DCC: variants seen among roughly 807,000 people sequenced by gnomAD.
DCC encodes the protein netrin receptor DCC.
In DCC, 58 loss-of-function variants were observed where a neutral mutation model predicts 172.5. The ratio of observed to expected loss-of-function variants is 0.34; its 90% CI spans 0.27 to 0.42. The LOEUF (loss-of-function observed/expected upper bound fraction) is 0.42, where lower values mean the gene tolerates loss of function less well. Among genes scored for constraint, DCC ranks in the 10% least tolerant of loss-of-function variants. The pLI is 1.00. For synonymous variants in DCC, 709 were observed against 644.5 expected (o/e 1.10, Z -1.52); for missense variants, 1,740 against 1,791.0 (o/e 0.97, Z 0.51).
chr18:52,358,984 A>T (rs1004135666), intron 1 of DCC, among the ~76,000 whole-genome samples: 1 of 152,178 alleles, frequency 6.6e-6, no homozygotes, highest in East Asian at 1.9e-4. Context: ...CTTCCAATTT[A>T]TAAAATCCTC....
intron 1 of DCC, among the ~76,000 whole-genome samples, chr18:52,646,755 C>A (rs760356126): frequency 9.2e-5 from 14 of 152,178 alleles, no homozygotes; most frequent in Non-Finnish European, 2.1e-4. Context: ...AGGGGTGCAC[C>A]AGCCTCCAGT....
chr18:53,450,423 G>T lies in DCC; in HGVS notation c.3230-77G>T, dbSNP rs181384686. Reference sequence around the variant, plus strand: ...AAAAGCCCAGAACATTAGGAACTTTGTATATCCCAAGAGAGCTTGGTAAAA... The same window carrying T: ...AAAAGCCCAGAACATTAGGAACTTTTTATATCCCAAGAGAGCTTGGTAAAA... On this transcript the variant is annotated intron_variant, in intron 22 of 28. Coordinates refer to ENST00000442544, the MANE Select transcript of DCC (RefSeq NM_005215.4). 4.6e-3 allele frequency: 7,088 copies of T among 1,532,730 alleles called. 82 individuals are homozygous for T. Among genetic ancestry groups the T allele is most frequent in the Admixed American group, 0.031 (1,868 of 59,670 alleles). The allele number at this position is 1,532,730 out of a possible 1,614,324, so 94.9% of individuals were successfully genotyped here. A position where few individuals can be genotyped will look rare whatever the true frequency, so the allele number is the denominator to read the frequency against.
chr18:52,810,501 A>G (rs76834848), intron 2 of DCC, among the ~76,000 whole-genome samples: 1 of 152,194 alleles, frequency 6.6e-6, no homozygotes, highest in African/African-American at 2.4e-5. Flanking sequence ...GAGGGCAAAG[A>G]AGAATTTTAG....
chr18:52,715,630 C>T (rs575201814), intron 1 of DCC, among the ~76,000 whole-genome samples: 2 of 152,046 alleles, frequency 1.3e-5, no homozygotes, highest in Non-Finnish European at 2.9e-5. Flanking sequence ...CTGAGGCTGA[C>T]TTCCGAGGGC....
chr18:52,590,669 G>A (rs2033779325), intron 1 of DCC, among the ~76,000 whole-genome samples: 1 of 152,166 alleles, frequency 6.6e-6, no homozygotes, highest in African/African-American at 2.4e-5. Flanking sequence ...CCGTCAGAAT[G>A]GATGTTGTCA....
intron 7 of DCC, among the ~76,000 whole-genome samples, chr18:53,109,681 AT>A (rs892715239): frequency 1.3e-5 from 2 of 150,620 alleles, no homozygotes; most frequent in African/African-American, 4.9e-5. Flanking sequence ...TGCTGGGAAG[AT>A]TTGGTAATGA....
chr18:52,976,469 G>A (rs72928142), intron 5 of DCC, among the ~76,000 whole-genome samples: 5,358 of 151,952 alleles, frequency 0.035, 125 homozygotes, highest in African/African-American at 0.054. Flanking sequence ...GACCCCACTC[G>A]TTATCCTTCA....
At chr18:52,465,389 A>G (rs1002317179) in intron 1 of DCC, among the ~76,000 whole-genome samples, 2 of 152,146 alleles carry the variant, frequency 1.3e-5, no homozygotes, top group African/African-American at 4.8e-5. Context: ...TCTCTTGGGT[A>G]AATTTCCCCT....
chr18:53,116,317 C>G (rs746810651), intron 7 of DCC, among the ~76,000 whole-genome samples: 5 of 151,644 alleles, frequency 3.3e-5, no homozygotes, highest in African/African-American at 9.7e-5. Flanking sequence ...TTAAATACCC[C>G]CTAGAGGATT....
chr18:53,146,742 G>A lies in DCC; in HGVS notation c.1262-10614G>A, dbSNP rs146080466. ...GTGAACATAGGAATACCTGCCAAGC[G>A]TATGCTTTGCCTCAGCTACAATAGC... On this transcript the variant is annotated intron_variant, in intron 7 of 28. Coordinates refer to ENST00000442544, the MANE Select transcript of DCC (RefSeq NM_005215.4). Among the ~76,000 whole-genome samples, 385 of 152,250 alleles carry A rather than the reference G, an allele frequency of 2.5e-3. 4 individuals carry two copies. Among genetic ancestry groups the A allele is most frequent in the African/African-American group, 8.8e-3 (364 of 41,546 alleles).
At chr18:52,567,631 A>G (rs531900672) in intron 1 of DCC, among the ~76,000 whole-genome samples, 2 of 152,270 alleles carry the variant, frequency 1.3e-5, no homozygotes, top group African/African-American at 4.8e-5. Flanking sequence ...GTCAACACAG[A>G]GTATGGAATG....
At chr18:52,536,810 A>G (rs530126386) in intron 1 of DCC, among the ~76,000 whole-genome samples, 1 of 152,298 alleles carries the variant, frequency 6.6e-6, no homozygotes, top group South Asian at 2.1e-4. Context: ...TTTATGCAAG[A>G]AGCTTAATTC....
chr18:52,610,041 C>T (rs867342677), intron 1 of DCC, among the ~76,000 whole-genome samples: 19 of 147,198 alleles, frequency 1.3e-4, no homozygotes, highest in Middle Eastern at 3.6e-3. Context: ...AGACTGGGCG[C>T]GGTGGCTTAC....
intron 1 of DCC, among the ~76,000 whole-genome samples, chr18:52,376,274 C>T (rs1985342336): frequency 6.6e-6 from 1 of 152,098 alleles, no homozygotes; most frequent in South Asian, 2.1e-4. Context: ...TTAAGAGGTG[C>T]AGAAAATAGC....
chr18:53,003,177 C>G (rs537958930), intron 5 of DCC, among the ~76,000 whole-genome samples: 2 of 152,184 alleles, frequency 1.3e-5, no homozygotes, highest in East Asian at 3.9e-4. Context: ...TCTCTTCTTC[C>G]ATTTCCTCAG....
intron 1 of DCC, among the ~76,000 whole-genome samples, chr18:52,693,503 T>C (rs986856004): frequency 2.0e-5 from 3 of 149,700 alleles, no homozygotes; most frequent in Non-Finnish European, 4.4e-5. Context: ...CATAATACAA[T>C]ACAATATAAC....
At chr18:52,566,714 C>T (rs576350739) in intron 1 of DCC, among the ~76,000 whole-genome samples, 17 of 152,186 alleles carry the variant, frequency 1.1e-4, no homozygotes, top group Middle Eastern at 3.4e-3. Flanking sequence ...ATTCACGAGA[C>T]TGAAGAAGGC....
intron 1 of DCC, among the ~76,000 whole-genome samples, chr18:52,508,348 T>C (rs1470387834): frequency 6.6e-6 from 1 of 152,126 alleles, no homozygotes; most frequent in Non-Finnish European, 1.5e-5. Flanking sequence ...ACATACCTAA[T>C]TCTCCACAAA....
intron 8 of DCC, among the ~76,000 whole-genome samples, chr18:53,169,283 C>T (rs2054974918): frequency 6.6e-6 from 1 of 152,210 alleles, no homozygotes; most frequent in South Asian, 2.1e-4. Flanking sequence ...AATCAAGTAA[C>T]TCAAAGTTCT....
Sources: allele counts gnomAD v4.1 joint callset (sites outside exome capture counted in the v4.1 genomes callset), GRCh38; gene constraint gnomAD v4.1.1; transcripts MANE v1.5; gene names NCBI Gene and HGNC (gene_info 2026-07-23, HGNC 2026-07-21).